SYN2: variants seen among roughly 807,000 people sequenced by gnomAD.
SYN2 encodes synapsin-2.
A neutral mutation model predicts 50.9 loss-of-function variants in SYN2; 19 were observed. That is an observed-to-expected ratio of 0.37 (90% CI 0.26 to 0.55). SYN2 has a LOEUF of 0.55. SYN2 is among the 20% of genes least tolerant of loss of function. The pLI, the probability that SYN2 is intolerant of heterozygous loss-of-function variation, is 0.81. For synonymous variants in SYN2, 255 were observed against 224.9 expected (o/e 1.13, Z -1.20); for missense variants, 587 against 576.4 (o/e 1.02, Z -0.19).
At chr3:12,165,828 A>G (rs1697774488) in intron 7 of SYN2, among the ~76,000 whole-genome samples, 2 of 152,206 alleles carry the variant, frequency 1.3e-5, no homozygotes. Flanking sequence ...CCAGCCACTC[A>G]GTAGTTTGTT....
At chr3:12,128,609 C>G in intron 1 of SYN2, among the ~76,000 whole-genome samples, 1 of 152,020 alleles carries the variant, frequency 6.6e-6, no homozygotes, top group East Asian at 1.9e-4. Context: ...TGTATAAATA[C>G]TTCAGTAATT....
In SYN2 at chr3:12,167,233, G is replaced by A; in HGVS notation, c.981-1G>A. ...CCTATCCTGGTGGGATCTTGTTGCA[G>A]GAGGACATCGATCTCAGGGAACTGG... is the stretch of plus-strand genomic sequence containing the variant. On this transcript the variant is annotated splice_acceptor_variant, in intron 7 of 12. Transcript: ENST00000621198. LOFTEE classifies it high-confidence loss of function. 6.2e-7 allele frequency: 1 copy of A among 1,612,446 alleles called. No individual in the cohort carries two copies. Among genetic ancestry groups the A allele is most frequent in the Non-Finnish European group, 8.5e-7 (1 of 1,179,412 alleles).
intron 3 of SYN2, 120 bp downstream of exon 3, chr3:12,142,116 C>T: frequency 3.1e-6 from 2 of 640,116 alleles, no homozygotes; most frequent in Non-Finnish European, 2.8e-6. Context: ...GTATGGTATA[C>T]AGAATTTAAT....
chr3:12,118,283 G>T (rs1040502455), intron 1 of SYN2, among the ~76,000 whole-genome samples: 35 of 152,282 alleles, frequency 2.3e-4, no homozygotes, highest in Admixed American at 4.6e-4. Flanking sequence ...ACAAACACAG[G>T]CTTGGTGCAG....
chr3:12,107,474 G>A (rs1455913624), intron 1 of SYN2, among the ~76,000 whole-genome samples: 3 of 152,254 alleles, frequency 2.0e-5, no homozygotes, highest in South Asian at 4.1e-4. Context: ...AGAGCTTGTC[G>A]GTGTAATAAT....
chr3:12,181,267 C>T (rs1698213596), intron 10 of SYN2, among the ~76,000 whole-genome samples: 1 of 152,234 alleles, frequency 6.6e-6, no homozygotes. Flanking sequence ...TGAGATGATG[C>T]ATTGGGACCC....
intron 4 of SYN2, among the ~76,000 whole-genome samples, chr3:12,150,297 T>C (rs1246124725): frequency 1.3e-5 from 2 of 152,198 alleles, no homozygotes; most frequent in Non-Finnish European, 2.9e-5. Flanking sequence ...TAGGTGTGTA[T>C]GTGACTGGAT....
chr3:12,039,731 A>AT (rs1354048177), intron 1 of SYN2, among the ~76,000 whole-genome samples: 1 of 152,150 alleles, frequency 6.6e-6, no homozygotes, highest in Admixed American at 6.5e-5. Context: ...TCTCATGGAT[A>AT]TGATCATAGA....
intron 1 of SYN2, among the ~76,000 whole-genome samples, chr3:12,125,280 G>A (rs907105781): frequency 8.6e-5 from 13 of 151,860 alleles, no homozygotes; most frequent in Non-Finnish European, 1.3e-4. Context: ...GACTACAGGC[G>A]TGAGCCACCA....
chr3:12,024,149 C>CTTTTTTTTTTTTTTTTTTTT (rs35513783), intron 1 of SYN2, among the ~76,000 whole-genome samples: 1 of 68,304 alleles, frequency 1.5e-5, no homozygotes, highest in Non-Finnish European at 2.6e-5. Flanking sequence ...TCATTACTTC[C>CTTTTTTTTTTTTTTTTTTTT]TTTTTTTTTT....
chr3:12,143,287 T>C (rs1697070114), intron 3 of SYN2, among the ~76,000 whole-genome samples: 1 of 152,142 alleles, frequency 6.6e-6, no homozygotes, highest in Admixed American at 6.5e-5. Context: ...ATATTTCTGT[T>C]TGTTTGTTTA....
At chr3:12,187,330 T>C in intron 11 of SYN2, 39 bp from the exon 12 acceptor site, 2 of 1,488,076 alleles carry the variant, frequency 1.3e-6, no homozygotes, top group Non-Finnish European at 1.8e-6. Context: ...AACATTTTTA[T>C]ATGGTTAAAT....
intron 1 of SYN2, among the ~76,000 whole-genome samples, chr3:12,090,323 T>G (rs541046313): frequency 2.0e-5 from 3 of 152,306 alleles, no homozygotes; most frequent in African/African-American, 7.2e-5. Flanking sequence ...TCTGACTTTA[T>G]GAATGTATAA....
In SYN2 at chr3:12,147,190, T is replaced by G. The variant is rs1192448320; in HGVS notation, c.684+1355T>G. ...CACCACTCAGAGAGCTGAAGAGGGG[T>G]GTGTGTGTGTGTGTATGTGTGTGTG... On this transcript the variant is annotated intron_variant, in intron 4 of 12. Transcript: ENST00000621198. Among the ~76,000 whole-genome samples the G allele has an allele frequency of 5.3e-5, 8 of 150,100 alleles. No homozygotes were observed. The South Asian group carries it at 1.1e-3, about 20-fold the overall frequency.
At chr3:12,143,201 G>T (rs1221575660) in intron 3 of SYN2, among the ~76,000 whole-genome samples, 2 of 152,166 alleles carry the variant, frequency 1.3e-5, no homozygotes, top group East Asian at 1.9e-4. Flanking sequence ...GATTGGAGTT[G>T]TATTTCAGGC....
intron 1 of SYN2, among the ~76,000 whole-genome samples, chr3:12,020,476 T>A (rs1694109920): frequency 6.6e-6 from 1 of 151,910 alleles, no homozygotes; most frequent in Non-Finnish European, 1.5e-5. Context: ...CACCTGGCCC[T>A]CTGACTCGGG....
At chr3:12,064,999 G>C (rs763219771) in intron 1 of SYN2, among the ~76,000 whole-genome samples, 1 of 152,150 alleles carries the variant, frequency 6.6e-6, no homozygotes, top group Non-Finnish European at 1.5e-5. Context: ...TAAACAAAAT[G>C]TGGTATAGCT....
intron 1 of SYN2, among the ~76,000 whole-genome samples, chr3:12,110,130 G>C (rs996667779): frequency 2.6e-5 from 4 of 152,186 alleles, no homozygotes; most frequent in East Asian, 3.9e-4. Flanking sequence ...CAAGTGTACA[G>C]TGAGCTGTGA....
chr3:12,131,102 G>C (rs1022667794), intron 1 of SYN2, among the ~76,000 whole-genome samples: 1 of 152,242 alleles, frequency 6.6e-6, no homozygotes, highest in Non-Finnish European at 1.5e-5. Flanking sequence ...GAGGAGACAA[G>C]TAGGGGCTGG....
Sources: allele counts gnomAD v4.1 joint callset (sites outside exome capture counted in the v4.1 genomes callset), GRCh38; gene constraint gnomAD v4.1.1; transcripts MANE v1.5; gene names NCBI Gene and HGNC (gene_info 2026-07-23, HGNC 2026-07-21).